Variants in RAPGEF6 observed in about 807,000 individuals in gnomAD.
The protein encoded by RAPGEF6 is PDZ domain containing guanine nucleotide exchange factor (GEF) 2.
In RAPGEF6, 56 loss-of-function variants were observed where a neutral mutation model predicts 171.4. The ratio of observed to expected loss-of-function variants is 0.33; its 90% CI spans 0.26 to 0.41. RAPGEF6 has a LOEUF of 0.41. Ranked by LOEUF, RAPGEF6 falls within the 10% of genes least tolerant of loss-of-function variation. The pLI, the probability that RAPGEF6 is intolerant of heterozygous loss-of-function variation, is 1.00. For missense variants in RAPGEF6, 1,674 were observed against 1,921.4 expected (o/e 0.87, Z 2.41); for synonymous variants, 692 against 650.1 (o/e 1.06, Z -0.98).
At chr5:131,569,654 T>C (rs552088347) in intron 4 of RAPGEF6, among the ~76,000 whole-genome samples, 7 of 152,320 alleles carry the variant, frequency 4.6e-5, no homozygotes, top group Non-Finnish European at 7.4e-5. Context: ...GAAGATTTCT[T>C]AGCTATGACA....
chr5:131,540,058 G>A (rs1374726649), intron 6 of RAPGEF6, among the ~76,000 whole-genome samples: 4 of 152,192 alleles, frequency 2.6e-5, no homozygotes, highest in African/African-American at 9.7e-5. Context: ...CTTTTAGGAA[G>A]AGCTGGCTGG....
At chr5:131,568,112 A>G (rs546956625) in intron 4 of RAPGEF6, among the ~76,000 whole-genome samples, 1 of 152,182 alleles carries the variant, frequency 6.6e-6, no homozygotes, top group Non-Finnish European at 1.5e-5. Context: ...AGGATTTTGA[A>G]TTGTCACAGA....
Position 131,451,533 on chromosome 5 carries a change from G to A in RAPGEF6, c.3200+1521C>T, listed in dbSNP as rs936030685. The stretch of plus-strand genomic sequence containing the variant: ...GAACCCGGGAGGTTGAGGCTGCAGT[G>A]AGCCAAGACACCACCACTGCACTTC... On this transcript the variant is annotated intron_variant, in intron 21 of 27. Coordinates refer to ENST00000509018, the MANE Select transcript of RAPGEF6 (RefSeq NM_016340.6). Among the ~76,000 whole-genome samples the A allele has an allele frequency of 3.9e-5, 6 of 152,176 alleles. No individual in the cohort carries two copies. In the South Asian group the frequency reaches 1.2e-3, roughly 32 times the overall value.
At chr5:131,443,523 G>T (rs963232553) in intron 22 of RAPGEF6, among the ~76,000 whole-genome samples, 1 of 152,282 alleles carries the variant, frequency 6.6e-6, no homozygotes, top group Admixed American at 6.5e-5. Context: ...TAGAATAGAA[G>T]AGTGACTCTG....
chr5:131,442,714 G>A (rs1752464760), intron 22 of RAPGEF6, among the ~76,000 whole-genome samples, 177 bp from the exon 23 acceptor site: 1 of 152,130 alleles, frequency 6.6e-6, no homozygotes, highest in African/African-American at 2.4e-5. Flanking sequence ...CTATTGTTTG[G>A]TGAGTCAGAT....
chr5:131,559,706 G>A (rs1446873783), intron 5 of RAPGEF6, among the ~76,000 whole-genome samples: 4 of 151,822 alleles, frequency 2.6e-5, no homozygotes, highest in Non-Finnish European at 5.9e-5. Flanking sequence ...TGGGTATGGT[G>A]GGGTGCATCT....
chr5:131,435,015 C>T (rs1751930418), intron 24 of RAPGEF6, among the ~76,000 whole-genome samples: 1 of 152,292 alleles, frequency 6.6e-6, no homozygotes, highest in African/African-American at 2.4e-5. Flanking sequence ...GGGTATGTTA[C>T]TGGAATTCTC....
chr5:131,543,233 G>A (rs1219763882), intron 6 of RAPGEF6, among the ~76,000 whole-genome samples: 1 of 152,106 alleles, frequency 6.6e-6, no homozygotes, highest in Non-Finnish European at 1.5e-5. Flanking sequence ...AAGGGTATAG[G>A]GGAGGATGTA....
At chr5:131,521,576 C>A (rs968807559) in intron 6 of RAPGEF6, 55 bp from the exon 7 acceptor site, 1 of 1,527,474 alleles carries the variant, frequency 6.5e-7, no homozygotes, top group South Asian at 1.2e-5. Flanking sequence ...CCTTTTTAAG[C>A]GGTTTCGACA....
intron 4 of RAPGEF6, among the ~76,000 whole-genome samples, chr5:131,580,097 T>C (rs775070226): frequency 2.5e-4 from 37 of 147,626 alleles, no homozygotes; most frequent in South Asian, 8.6e-4. Context: ...GTGGCACCCA[T>C]TGGGGAGGCT....
chr5:131,548,547 T>G (rs1460854034), intron 5 of RAPGEF6, among the ~76,000 whole-genome samples: 1 of 152,224 alleles, frequency 6.6e-6, no homozygotes, highest in African/African-American at 2.4e-5. Flanking sequence ...ATATTTTACT[T>G]AGCAAACAAT....
At chr5:131,611,573 C>T (rs962291576) in intron 1 of RAPGEF6, among the ~76,000 whole-genome samples, 1 of 152,068 alleles carries the variant, frequency 6.6e-6, no homozygotes, top group Admixed American at 6.6e-5. Flanking sequence ...TCAGGAGGCT[C>T]AGGCACAAAA....
At chr5:131,515,653 T>C (rs1758022653) in intron 7 of RAPGEF6, among the ~76,000 whole-genome samples, 1 of 152,222 alleles carries the variant, frequency 6.6e-6, no homozygotes, top group Admixed American at 6.5e-5. Context: ...AGAGAAAAAC[T>C]GCTGAGGGAT....
At chr5:131,488,281 C>G (rs189164897) in intron 15 of RAPGEF6, among the ~76,000 whole-genome samples, 3 of 152,050 alleles carry the variant, frequency 2.0e-5, no homozygotes, top group East Asian at 1.9e-4. Flanking sequence ...TATTTTTATT[C>G]AGAATATTTA....
rs371136882 is a variant in RAPGEF6 at position 131,452,455 on chromosome 5, G to C, written c.3200+599C>G. On this transcript the variant is annotated intron_variant, in intron 21 of 27. Coordinates refer to ENST00000509018, the MANE Select transcript of RAPGEF6 (RefSeq NM_016340.6). ...AAAACTTATATACAAATGAAACACAGTATAATTTGAGAAAAAGAAAAATGG... is the reference window on the plus strand; with the variant it reads ...AAAACTTATATACAAATGAAACACACTATAATTTGAGAAAAAGAAAAATGG... Among the ~76,000 whole-genome samples the C allele has an allele frequency of 3.6e-4, 55 of 151,960 alleles. 2 individuals are homozygous for C. In the South Asian group the frequency reaches 0.011, roughly 30 times the overall value.
intron 15 of RAPGEF6, among the ~76,000 whole-genome samples, chr5:131,486,166 C>A (rs536588428): frequency 6.6e-6 from 1 of 152,238 alleles, no homozygotes; most frequent in Non-Finnish European, 1.5e-5. Context: ...ACTATTTTAT[C>A]CTTTGGTGGG....
At chr5:131,612,087 G>A (rs1162125194) in intron 1 of RAPGEF6, among the ~76,000 whole-genome samples, 1 of 152,066 alleles carries the variant, frequency 6.6e-6, no homozygotes, top group Non-Finnish European at 1.5e-5. Flanking sequence ...CAGGCTGAGT[G>A]CAGTGACGGC....
chr5:131,466,580 A>G (rs1211869985), intron 17 of RAPGEF6, among the ~76,000 whole-genome samples: 1 of 152,174 alleles, frequency 6.6e-6, no homozygotes. Flanking sequence ...CACAATAGTG[A>G]ACAAGTCTCA....
At chr5:131,483,306 G>GC (rs1755622398) in intron 15 of RAPGEF6, among the ~76,000 whole-genome samples, 1 of 142,402 alleles carries the variant, frequency 7.0e-6, no homozygotes. Context: ...CCGAGATCGA[G>GC]CCACTGCACT....
Sources: gnomAD v4.1 joint callset for allele counts (sites outside exome capture counted in the v4.1 genomes callset) on GRCh38, gnomAD v4.1.1 for gene constraint, MANE v1.5 for transcripts, NCBI Gene and HGNC (gene_info 2026-07-23, HGNC 2026-07-21) for gene names.